SLC35F1: variants seen among roughly 807,000 people sequenced by gnomAD.
SLC35F1 encodes the protein chromosome 6 open reading frame 169.
A neutral mutation model predicts 48.7 loss-of-function variants in SLC35F1; 14 were observed. That is an observed-to-expected ratio of 0.29 (90% CI 0.19 to 0.45). The LOEUF (loss-of-function observed/expected upper bound fraction) is 0.45, where lower values mean the gene tolerates loss of function less well. SLC35F1 is among the 20% of genes least tolerant of loss of function. The probability of loss-of-function intolerance (pLI) is 1.00; values close to 1 mark genes in which losing one functional copy is unlikely to be tolerated. For synonymous variants in SLC35F1, 190 were observed against 202.2 expected (o/e 0.94, Z 0.51); for missense variants, 404 against 500.0 (o/e 0.81, Z 1.83).
chr6:118,245,348 C>A (rs1343223160), intron 3 of SLC35F1, among the ~76,000 whole-genome samples: 1 of 152,192 alleles, frequency 6.6e-6, no homozygotes, highest in Non-Finnish European at 1.5e-5. Flanking sequence ...GACATCACAA[C>A]CCCCACACTC....
At chr6:118,217,829 C>T (rs1229769836) in intron 2 of SLC35F1, among the ~76,000 whole-genome samples, 3 of 152,232 alleles carry the variant, frequency 2.0e-5, no homozygotes, top group South Asian at 4.2e-4. Flanking sequence ...AAGATCAGCT[C>T]AGCAATTTTC....
At chr6:117,923,794 CAT>C (rs1775974497) in intron 1 of SLC35F1, among the ~76,000 whole-genome samples, 1 of 99,338 alleles carries the variant, frequency 1.0e-5, no homozygotes, top group East Asian at 2.9e-4. Context: ...CATATATGTA[CAT>C]ATATACATAT....
At chr6:118,060,880 T>A (rs900318700) in intron 1 of SLC35F1, among the ~76,000 whole-genome samples, 1 of 152,200 alleles carries the variant, frequency 6.6e-6, no homozygotes, top group Non-Finnish European at 1.5e-5. Flanking sequence ...AGTTGCCCAA[T>A]TGAGAGTAGA....
chr6:118,291,687 G>C (rs1054259762), intron 7 of SLC35F1, among the ~76,000 whole-genome samples: 1 of 152,180 alleles, frequency 6.6e-6, no homozygotes, highest in African/African-American at 2.4e-5. Flanking sequence ...TGGGCTGCAA[G>C]TAATAACTGC....
chr6:117,968,700 C>T (rs1194132166), intron 1 of SLC35F1, among the ~76,000 whole-genome samples: 2 of 152,152 alleles, frequency 1.3e-5, no homozygotes, highest in East Asian at 1.9e-4. Context: ...AATATGGCCC[C>T]TAGTCTACCT....
intron 1 of SLC35F1, among the ~76,000 whole-genome samples, chr6:118,076,885 T>C (rs1268498514): frequency 6.6e-6 from 1 of 152,188 alleles, no homozygotes; most frequent in East Asian, 1.9e-4. Flanking sequence ...CTTTACCATA[T>C]TTATTTTATA....
intron 1 of SLC35F1, among the ~76,000 whole-genome samples, chr6:118,112,101 CTTTTCTTTTCT>C (rs1773414453): frequency 1.2e-5 from 1 of 82,744 alleles, no homozygotes; most frequent in African/African-American, 4.5e-5. Context: ...CTTTTCTTTT[CTTTTCTTTTCT>C]TTTCTTTTCT....
rs117180241 is a variant in SLC35F1, at chr6:118,003,480, G to A, written c.173+95581G>A. ...GGGTCACATCAATGATGCATGGTGA[G>A]CTAGGTAGGTTGTCCTTATTGAGGT... is the stretch of plus-strand genomic sequence containing the variant. On this transcript the variant is annotated intron_variant, in intron 1 of 7. Coordinates refer to ENST00000360388, the MANE Select transcript of SLC35F1 (RefSeq NM_001029858.4). Among the ~76,000 whole-genome samples the A allele has an allele frequency of 1.7e-3, 262 of 152,342 alleles. 3 individuals carry two copies. The East Asian group carries it at 0.032, about 18-fold the overall frequency.
intron 1 of SLC35F1, among the ~76,000 whole-genome samples, chr6:118,102,478 G>A (rs375435381): frequency 6.6e-6 from 1 of 152,122 alleles, no homozygotes; most frequent in South Asian, 2.1e-4. Context: ...ACTGTGACTG[G>A]CCCCATTTTT....
chr6:118,007,382 A>G (rs1777187038), intron 1 of SLC35F1, among the ~76,000 whole-genome samples: 1 of 152,158 alleles, frequency 6.6e-6, no homozygotes, highest in Admixed American at 6.5e-5. Flanking sequence ...TATTCAAACC[A>G]CAGCAACCAC....
intron 1 of SLC35F1, among the ~76,000 whole-genome samples, chr6:117,944,321 G>T (rs1408803202): frequency 6.6e-6 from 1 of 152,084 alleles, no homozygotes; most frequent in Non-Finnish European, 1.5e-5. Context: ...CTGTCTGTGT[G>T]TAGGGAAGGG....
At chr6:118,098,020 C>T (rs1319208162) in intron 1 of SLC35F1, among the ~76,000 whole-genome samples, 2 of 152,158 alleles carry the variant, frequency 1.3e-5, no homozygotes, top group Non-Finnish European at 2.9e-5. Context: ...CACAACAATA[C>T]TATTACTCTT....
At chr6:118,012,132 G>A (rs1355702338) in intron 1 of SLC35F1, among the ~76,000 whole-genome samples, 3 of 152,068 alleles carry the variant, frequency 2.0e-5, no homozygotes, top group Non-Finnish European at 2.9e-5. Context: ...TAATGACCAA[G>A]ATGGAGAGAA....
intron 1 of SLC35F1, among the ~76,000 whole-genome samples, chr6:118,063,393 G>C (rs530621314): frequency 6.7e-5 from 10 of 148,312 alleles, no homozygotes; most frequent in Non-Finnish European, 3.0e-5. Flanking sequence ...TATGGTTAAG[G>C]CACCAGATAA....
At chr6:118,093,451 A>C (rs377042067) in intron 1 of SLC35F1, among the ~76,000 whole-genome samples, 1 of 152,148 alleles carries the variant, frequency 6.6e-6, no homozygotes, top group Non-Finnish European at 1.5e-5. Context: ...GGAGGGACCT[A>C]TGGGAGATAA....
At chr6:118,173,673 G>T (rs1299560002) in intron 2 of SLC35F1, among the ~76,000 whole-genome samples, 3 of 152,136 alleles carry the variant, frequency 2.0e-5, no homozygotes, top group Non-Finnish European at 2.9e-5. Context: ...AGATCTGAGA[G>T]AAATGAGTTT....
At chr6:118,132,763 G>C (rs1365619904) in intron 1 of SLC35F1, among the ~76,000 whole-genome samples, 1 of 152,162 alleles carries the variant, frequency 6.6e-6, no homozygotes, top group East Asian at 1.9e-4. Flanking sequence ...GGAAGATTCT[G>C]TTCTTAATTG....
chr6:118,218,417 A>T (rs970425074), intron 2 of SLC35F1, among the ~76,000 whole-genome samples: 21 of 152,004 alleles, frequency 1.4e-4, no homozygotes, highest in South Asian at 6.2e-4. Flanking sequence ...TGGTGGAGGG[A>T]GGGCGGGGAT....
At chr6:117,924,086 TACACAC>T (rs1310476123) in intron 1 of SLC35F1, among the ~76,000 whole-genome samples, 2 of 149,060 alleles carry the variant, frequency 1.3e-5, no homozygotes, top group Non-Finnish European at 3.0e-5. Flanking sequence ...CATATGTATA[TACACAC>T]ATAGGTACAC....
Sources: gnomAD v4.1 joint callset for allele counts (sites outside exome capture counted in the v4.1 genomes callset) on GRCh38, gnomAD v4.1.1 for gene constraint, MANE v1.5 for transcripts, NCBI Gene and HGNC (gene_info 2026-07-23, HGNC 2026-07-21) for gene names.